The following NPAS2 variants were observed in gnomAD, a reference collection of about 807,000 sequenced individuals.
NPAS2 encodes the protein neuronal PAS domain-containing protein 2.
In NPAS2, 23 loss-of-function variants were observed where a neutral mutation model predicts 107.5. That is an observed-to-expected ratio of 0.21 (90% CI 0.15 to 0.30). NPAS2 has a LOEUF of 0.30. NPAS2 is among the 10% of genes least tolerant of loss of function. The pLI, the probability that NPAS2 is intolerant of heterozygous loss-of-function variation, is 1.00. For synonymous variants in NPAS2, 403 were observed against 417.5 expected (o/e 0.97, Z 0.42); for missense variants, 756 against 1,043.3 (o/e 0.72, Z 3.79).
intron 1 of NPAS2, among the ~76,000 whole-genome samples, chr2:100,892,595 C>T (rs1315612108): frequency 3.3e-5 from 5 of 152,146 alleles, no homozygotes; most frequent in African/African-American, 1.2e-4. Context: ...TCCGCCTTGC[C>T]GTTTCCAGGT....
intron 2 of NPAS2, among the ~76,000 whole-genome samples, chr2:100,920,885 C>T (rs993992077): frequency 3.9e-5 from 6 of 152,222 alleles, no homozygotes; most frequent in Non-Finnish European, 5.9e-5. Flanking sequence ...CAGGTGACCA[C>T]GACAGTGGGA....
chr2:100,939,503 C>T (rs1322720066), intron 5 of NPAS2, among the ~76,000 whole-genome samples: 2 of 152,148 alleles, frequency 1.3e-5, no homozygotes, highest in South Asian at 2.1e-4. Flanking sequence ...GGGCTGACAC[C>T]ATGAATACAG....
At chr2:100,992,887 TCTGTTGATA>T (rs907571855) in intron 19 of NPAS2, among the ~76,000 whole-genome samples, 1 of 145,678 alleles carries the variant, frequency 6.9e-6, no homozygotes, top group African/African-American at 2.5e-5. Context: ...GCCTTTTCCC[TCTGTTGATA>T]GTGTTGATAG....
At chr2:100,846,517 T>C (rs981851636) in intron 1 of NPAS2, among the ~76,000 whole-genome samples, 1 of 152,220 alleles carries the variant, frequency 6.6e-6, no homozygotes, top group East Asian at 1.9e-4. Context: ...TAATAACAAC[T>C]CTTGTACCAT....
intron 17 of NPAS2, 81 bp downstream of exon 17, chr2:100,988,357 C>T (rs576672026): frequency 2.4e-6 from 3 of 1,246,838 alleles, no homozygotes; most frequent in Admixed American, 1.7e-5. Context: ...TTGATTCCTG[C>T]AGCCTACGTG....
intron 1 of NPAS2, among the ~76,000 whole-genome samples, chr2:100,828,071 C>T (rs1676498623): frequency 6.9e-6 from 1 of 144,342 alleles, no homozygotes; most frequent in African/African-American, 2.5e-5. Context: ...CACAGTCTCT[C>T]CAGCATGTGT....
chr2:100,822,176 A>G (rs1676110127), intron 1 of NPAS2, among the ~76,000 whole-genome samples: 1 of 152,196 alleles, frequency 6.6e-6, no homozygotes, highest in African/African-American at 2.4e-5. Context: ...GAGGTGAAAG[A>G]AGGAAATACG....
chr2:100,976,415 C>T lies in NPAS2; in HGVS notation c.1392+848C>T, dbSNP rs1046629327. On this transcript the variant is annotated intron_variant, in intron 14 of 20. Transcript: ENST00000335681. The surrounding 1 kb of genome is among the most constrained non-coding windows in gnomAD (Gnocchi z 4.1). ...GCAGGAACCATGCAGACCTCTGTGA[C>T]CTAGCCACGGAAGTCATATAGTATC... Among the ~76,000 whole-genome samples the T allele has an allele frequency of 6.6e-6, 1 of 152,076 alleles. No individual in the cohort carries two copies. Among genetic ancestry groups the T allele is most frequent in the East Asian group, 1.9e-4 (1 of 5,176 alleles).
chr2:100,899,940 A>C (rs1356065218), intron 1 of NPAS2, among the ~76,000 whole-genome samples: 3 of 152,202 alleles, frequency 2.0e-5, no homozygotes, highest in Non-Finnish European at 4.4e-5. Context: ...ATCCAACACT[A>C]CACATAAAAT....
At chr2:100,913,359 A>G (rs1682671642) in intron 2 of NPAS2, among the ~76,000 whole-genome samples, 1 of 152,194 alleles carries the variant, frequency 6.6e-6, no homozygotes, top group Admixed American at 6.5e-5. Context: ...CCATTTGGTC[A>G]ACTGTCTTTG....
chr2:100,906,263 A>G (rs1021807236), intron 2 of NPAS2, among the ~76,000 whole-genome samples: 8 of 152,204 alleles, frequency 5.3e-5, no homozygotes, highest in Admixed American at 2.6e-4. Flanking sequence ...GGTTCCAAGC[A>G]ACAAATGAAT....
chr2:100,962,004 A>G (rs2105137868), intron 7 of NPAS2, among the ~76,000 whole-genome samples: 1 of 152,204 alleles, frequency 6.6e-6, no homozygotes, highest in African/African-American at 2.4e-5. Context: ...AAGTTTTCAA[A>G]TGTCTCTTTT....
At chr2:100,822,502 ACT>A (rs1471635435) in intron 1 of NPAS2, among the ~76,000 whole-genome samples, 1 of 152,098 alleles carries the variant, frequency 6.6e-6, no homozygotes. Flanking sequence ...ATCTTTCTTA[ACT>A]CTTGGTAATC....
rs1219754630 is a variant in NPAS2 at position 100,821,200 on chromosome 2, G to A, written c.-23+786G>A. 5 of 1,302,954 alleles carry A rather than the reference G, an allele frequency of 3.8e-6. No individual in the cohort carries two copies. In the African/African-American group the frequency reaches 6.1e-5, roughly 16 times the overall value. The allele number at this position is 1,302,954 out of a possible 1,614,324, so 80.7% of individuals were successfully genotyped here. ...GCTTGCCACTCCTTAATTGCTCAAGGTAAGAAAGTTTGTTTCAGCCCTGTG... is the reference window on the plus strand; with the variant it reads ...GCTTGCCACTCCTTAATTGCTCAAGATAAGAAAGTTTGTTTCAGCCCTGTG... On this transcript the variant is annotated intron_variant, in intron 1 of 20. Transcript: ENST00000335681.
intron 1 of NPAS2, among the ~76,000 whole-genome samples, chr2:100,841,904 C>T (rs891419729): frequency 6.6e-6 from 1 of 152,096 alleles, no homozygotes; most frequent in Non-Finnish European, 1.5e-5. Context: ...TAAAGGTGCA[C>T]ACATATAACT....
At chr2:100,824,459 A>G (rs1160567393) in intron 1 of NPAS2, among the ~76,000 whole-genome samples, 1 of 152,220 alleles carries the variant, frequency 6.6e-6, no homozygotes, top group Admixed American at 6.5e-5. Context: ...TTAAAAATGT[A>G]GTGGAGAGGA....
At chr2:100,949,310 A>T in intron 6 of NPAS2, 57 bp from the exon 7 acceptor site, 1 of 970,820 alleles carries the variant, frequency 1.0e-6, no homozygotes, top group Non-Finnish European at 1.7e-6. Flanking sequence ...CTACTTGTTT[A>T]GAGTCTGTGC....
At chr2:100,842,081 G>GCGCGCGTGCGCACACACACACA in intron 1 of NPAS2, among the ~76,000 whole-genome samples, 10 of 148,902 alleles carry the variant, frequency 6.7e-5, no homozygotes, top group African/African-American at 2.5e-4. Context: ...GCATGTACGC[G>GCGCGCGTGCGCACACACACACA]CACACACACA....
At chr2:100,876,677 C>T (rs1679989832) in intron 1 of NPAS2, among the ~76,000 whole-genome samples, 1 of 152,112 alleles carries the variant, frequency 6.6e-6, no homozygotes, top group Non-Finnish European at 1.5e-5. Context: ...ATCCCTTCTG[C>T]TTGTTGCTGT....
Sources: allele counts gnomAD v4.1 joint callset (sites outside exome capture counted in the v4.1 genomes callset), GRCh38; gene constraint gnomAD v4.1.1; non-coding constraint Gnocchi (gnomAD v3.1); transcripts MANE v1.5; gene names NCBI Gene and HGNC (gene_info 2026-07-23, HGNC 2026-07-21).